PTPRD: variants seen among roughly 807,000 people sequenced by gnomAD.
PTPRD encodes the protein receptor-type tyrosine-protein phosphatase delta.
Under a neutral mutation model 214.5 loss-of-function variants are expected in PTPRD, and 34 were observed. The observed-to-expected ratio is 0.16, with a 90% CI of 0.12 to 0.21. PTPRD has a LOEUF of 0.21. Among genes scored for constraint, PTPRD ranks in the 10% least tolerant of loss-of-function variants. The pLI, the probability that PTPRD is intolerant of heterozygous loss-of-function variation, is 1.00. For synonymous variants in PTPRD, 1,128 were observed against 845.7 expected, an observed-to-expected ratio of 1.33 and a Z score of -5.79; for missense variants, 2,545 against 2,398.7, an observed-to-expected ratio of 1.06 and a Z score of -1.27.
chr9:9,169,347 T>C (rs1370650972), intron 10 of PTPRD, among the ~76,000 whole-genome samples: 1 of 152,180 alleles, frequency 6.6e-6, no homozygotes, highest in African/African-American at 2.4e-5. Flanking sequence ...GATTCAATGC[T>C]AAGAGGACTT....
At chr9:9,173,935 G>C (rs551432635) in intron 10 of PTPRD, among the ~76,000 whole-genome samples, 107 of 152,098 alleles carry the variant, frequency 7.0e-4, no homozygotes, top group Admixed American at 6.6e-3. Context: ...TCTTATGTTA[G>C]CCTATGCACA....
intron 4 of PTPRD, among the ~76,000 whole-genome samples, chr9:9,985,155 G>C (rs1482292246): frequency 1.3e-5 from 2 of 152,220 alleles, no homozygotes; most frequent in East Asian, 1.9e-4. Flanking sequence ...ACAACCAGTG[G>C]GTTACAACTA....
At chr9:8,964,858 A>G (rs1393556154) in intron 11 of PTPRD, among the ~76,000 whole-genome samples, 2 of 152,100 alleles carry the variant, frequency 1.3e-5, no homozygotes, top group Non-Finnish European at 2.9e-5. Flanking sequence ...TGTGGCTTTG[A>G]GAAATCTTTT....
intron 8 of PTPRD, among the ~76,000 whole-genome samples, chr9:9,484,068 T>C (rs940968496): frequency 5.3e-5 from 8 of 151,950 alleles, no homozygotes; most frequent in East Asian, 1.9e-4. Flanking sequence ...CTGCATTTTA[T>C]ATTTAAGTAA....
chr9:9,957,193 C>T (rs1734948946), intron 4 of PTPRD, among the ~76,000 whole-genome samples: 1 of 152,102 alleles, frequency 6.6e-6, no homozygotes, highest in Non-Finnish European at 1.5e-5. Context: ...AAAAGTGATC[C>T]AGAGCTACTA....
intron 7 of PTPRD, among the ~76,000 whole-genome samples, chr9:9,680,801 G>T (rs2097052046): frequency 6.6e-6 from 1 of 151,748 alleles, no homozygotes. Context: ...TGCTTGAGCT[G>T]ATTAACTGCC....
chr9:8,895,130 T>C (rs2098598029), intron 11 of PTPRD, among the ~76,000 whole-genome samples: 1 of 152,232 alleles, frequency 6.6e-6, no homozygotes, highest in Non-Finnish European at 1.5e-5. Flanking sequence ...AATTACCAAT[T>C]AAAGAACTTT....
At chr9:10,567,765 AT>A (rs2066073402) in intron 2 of PTPRD, among the ~76,000 whole-genome samples, 2 of 151,882 alleles carry the variant, frequency 1.3e-5, no homozygotes, top group South Asian at 4.2e-4. Context: ...ATACATATAT[AT>A]TTAGTGTTCA....
intron 3 of PTPRD, among the ~76,000 whole-genome samples, chr9:10,231,747 T>C (rs975381674): frequency 6.6e-6 from 1 of 151,966 alleles, no homozygotes; most frequent in African/African-American, 2.4e-5. Context: ...AAAGAAATGT[T>C]CTGCTGTGGT....
At chr9:8,956,287 C>T (rs1296017492) in intron 11 of PTPRD, among the ~76,000 whole-genome samples, 1 of 151,698 alleles carries the variant, frequency 6.6e-6, no homozygotes, top group Non-Finnish European at 1.5e-5. Flanking sequence ...CCATATAAAG[C>T]ACAAAGTGAT....
intron 7 of PTPRD, among the ~76,000 whole-genome samples, chr9:9,707,952 T>TA (rs2097656268): frequency 6.6e-6 from 1 of 151,968 alleles, no homozygotes; most frequent in Non-Finnish European, 1.5e-5. Flanking sequence ...TACCTAGCAG[T>TA]AAGAAATCTG....
chr9:9,468,043 GA>G (rs534315171), intron 8 of PTPRD, among the ~76,000 whole-genome samples: 12 of 152,028 alleles, frequency 7.9e-5, no homozygotes, highest in African/African-American at 2.9e-4. Context: ...TTATTTTGTG[GA>G]GCAGTTTTGC....
At chr9:8,319,029 A>C (rs1165543231) in intron 45 of PTPRD, among the ~76,000 whole-genome samples, 3 of 152,088 alleles carry the variant, frequency 2.0e-5, no homozygotes, top group Admixed American at 2.0e-4. Context: ...CTGAGTGTTA[A>C]GGCTTTTTAA....
intron 7 of PTPRD, among the ~76,000 whole-genome samples, chr9:9,651,305 C>G (rs1170741827): frequency 6.6e-6 from 1 of 152,076 alleles, no homozygotes; most frequent in African/African-American, 2.4e-5. Context: ...AAACTTGTAT[C>G]ATTGAGGGTT....
At chr9:10,265,933 T>A (rs937892840) in intron 3 of PTPRD, among the ~76,000 whole-genome samples, 1 of 152,186 alleles carries the variant, frequency 6.6e-6, no homozygotes, top group Non-Finnish European at 1.5e-5. Context: ...CTTTCATCAC[T>A]GAATAGAATA....
rs775125806 is a variant in PTPRD at position 8,338,876 on chromosome 9, C to T, written c.5379+46G>A. 12 of 1,032,430 alleles carry T rather than the reference C, an allele frequency of 1.2e-5. No individual in the cohort carries two copies. The Middle Eastern group carries it at 2.7e-3, about 230-fold the overall frequency. 64.0% of individuals were successfully genotyped at this position (1,032,430 alleles called of 1,614,324 possible). ...GAGAGAGAGAGAGAGGTATCTTAGA[C>T]TACTTTTCAGCTAATGGTTAAGAGT... On this transcript the variant is annotated intron_variant, in intron 43 of 45. Transcript: ENST00000381196.
chr9:9,341,937 T>C (rs1294048559), intron 9 of PTPRD, among the ~76,000 whole-genome samples: 1 of 152,078 alleles, frequency 6.6e-6, no homozygotes, highest in Non-Finnish European at 1.5e-5. Flanking sequence ...GCCTCTCCAG[T>C]AGCTGGGATT....
chr9:9,732,127 C>T lies in PTPRD; in HGVS notation c.-287+2406G>A, dbSNP rs987127190. The stretch of plus-strand genomic sequence containing the variant: ...GAGGAATGAATAGGAAATGGGGATA[C>T]GAGCAGACACACTGATCATGCTGGT... On this transcript the variant is annotated intron_variant, in intron 7 of 45. Transcript: ENST00000381196. 4.6e-5 allele frequency among the ~76,000 whole-genome samples: 7 copies of T among 151,892 alleles called. 1 individual carries two copies. The highest frequency in any genetic ancestry group is 2.6e-4 in the Admixed American group (4 of 15,248).
chr9:10,277,044 G>A (rs112393275), intron 3 of PTPRD, among the ~76,000 whole-genome samples: 1 of 152,284 alleles, frequency 6.6e-6, no homozygotes, highest in African/African-American at 2.4e-5. Flanking sequence ...GGAAGTAGCA[G>A]AGGGCTACCC....
Sources: gnomAD v4.1 joint callset for allele counts (sites outside exome capture counted in the v4.1 genomes callset) on GRCh38, gnomAD v4.1.1 for gene constraint, MANE v1.5 for transcripts, NCBI Gene and HGNC (gene_info 2026-07-23, HGNC 2026-07-21) for gene names.